DLG5: variants seen among roughly 807,000 people sequenced by gnomAD.
DLG5 encodes disks large homolog 5.
DLG5 carries 48 observed loss-of-function variants against 189.8 expected under a neutral mutation model. That is an observed-to-expected ratio of 0.25 (90% confidence interval 0.20 to 0.32). The LOEUF (loss-of-function observed/expected upper bound fraction) is 0.32. Among genes scored for constraint, DLG5 ranks in the 10% least tolerant of loss-of-function variants. The pLI, the probability that DLG5 is intolerant of heterozygous loss-of-function variation, is 1.00. For missense variants in DLG5, 2,160 were observed against 2,544.7 expected (o/e 0.85, Z 3.25); for synonymous variants, 1,016 against 1,054.1 (o/e 0.96, Z 0.70).
intron 1 of DLG5, chr10:77,869,417 G>C (rs560265858): frequency 1.9e-6 from 1 of 517,064 alleles, no homozygotes; most frequent in South Asian, 2.4e-5. Context: ...TCCTGCTCTG[G>C]GCAGGCGGGC....
intron 2 of DLG5, among the ~76,000 whole-genome samples, chr10:77,861,633 A>G (rs969557006): frequency 3.3e-5 from 5 of 152,204 alleles, no homozygotes; most frequent in African/African-American, 9.7e-5. Flanking sequence ...GTTCTGTGCT[A>G]AAGACACTCT....
At chr10:77,915,474 G>C (rs1479881348) in intron 1 of DLG5, among the ~76,000 whole-genome samples, 1 of 152,214 alleles carries the variant, frequency 6.6e-6, no homozygotes, top group Non-Finnish European at 1.5e-5. Flanking sequence ...TCAGAACACT[G>C]ATGTCGCAAG....
intron 6 of DLG5, 72 bp downstream of exon 6, chr10:77,843,375 C>T: frequency 6.4e-7 from 1 of 1,553,934 alleles, no homozygotes. Context: ...TCATGCTGTT[C>T]TCATCCCCTG....
intron 2 of DLG5, among the ~76,000 whole-genome samples, chr10:77,862,840 A>T (rs1269618021): frequency 6.6e-6 from 1 of 152,156 alleles, no homozygotes; most frequent in African/African-American, 2.4e-5. Context: ...ATACTACACA[A>T]CCATTCATAT....
chr10:77,926,567 C>T lies in DLG5; in HGVS notation c.-47G>A. 1 of 1,208,038 alleles carries T rather than the reference C, an allele frequency of 8.3e-7. No homozygotes were observed. Among genetic ancestry groups the T allele is most frequent in the Non-Finnish European group, 1.0e-6 (1 of 973,634 alleles). 74.8% of individuals were successfully genotyped at this position (1,208,038 alleles called of 1,614,324 possible). ...GCCCCGCCGGACGCCTCCCGGGCCC[C>T]CCGAGGCCGGCGGGCGGGCAGGCGA... On this transcript the variant is annotated 5_prime_UTR_variant, in exon 1 of 32. Coordinates refer to ENST00000372391, the MANE Select transcript of DLG5 (RefSeq NM_004747.4). This position sits in a 1 kb window ranked among gnomAD's most constrained non-coding sequence, Gnocchi z 5.2.
At chr10:77,849,225 T>A (rs1285082199) in intron 5 of DLG5, among the ~76,000 whole-genome samples, 8 of 152,160 alleles carry the variant, frequency 5.3e-5, no homozygotes, top group Admixed American at 3.3e-4. Flanking sequence ...AACACTCAAG[T>A]CAAACAGCAC....
intron 18 of DLG5, 61 bp from the exon 19 acceptor site, chr10:77,817,157 C>T (rs1842101255): frequency 2.8e-6 from 4 of 1,433,988 alleles, no homozygotes; most frequent in Non-Finnish European, 3.9e-6. Flanking sequence ...CCTGTCCTTC[C>T]TCTCCACCAG....
In DLG5 at chr10:77,803,441, G is replaced by A. The variant is rs1018077970; in HGVS notation, c.5164+2224C>T. 4.6e-5 allele frequency among the ~76,000 whole-genome samples: 7 copies of A among 152,270 alleles called. No individual in the cohort carries two copies. In the East Asian group the frequency reaches 1.3e-3, roughly 29 times the overall value. On this transcript the variant is annotated intron_variant, in intron 27 of 31. Coordinates refer to ENST00000372391, the MANE Select transcript of DLG5 (RefSeq NM_004747.4). ...AAAGTCCCACATGCTGCTTATAAGG[G>A]ATATTTAAATATAAAGTGACAGAAA...
chr10:77,939,504 C>T, the DLG5 span, among the ~76,000 whole-genome samples: 1 of 152,180 alleles, frequency 6.6e-6, no homozygotes, highest in African/African-American at 2.4e-5. Context: ...CTCTATTGTT[C>T]CTCCTTTTCT....
intron 26 of DLG5, 40 bp downstream of exon 26, chr10:77,806,718 A>AGCCCCCCCCCCCCC: frequency 8.2e-6 from 11 of 1,333,650 alleles, no homozygotes; most frequent in East Asian, 4.7e-5. Context: ...GCCCTCGGCG[A>AGCCCCCCCCCCCCC]CCCCTGCCCC....
At chr10:77,881,242 A>T (rs1284070721) in intron 1 of DLG5, among the ~76,000 whole-genome samples, 1 of 152,030 alleles carries the variant, frequency 6.6e-6, no homozygotes, top group African/African-American at 2.4e-5. Context: ...AAAAAGTGAT[A>T]CTCACTAGTT....
intron 27 of DLG5, among the ~76,000 whole-genome samples, chr10:77,804,605 G>A: frequency 6.6e-6 from 1 of 152,226 alleles, no homozygotes; most frequent in Non-Finnish European, 1.5e-5. Context: ...CCAGGGCCCT[G>A]GGAGCCACGT....
chr10:77,939,786 G>C, the DLG5 span, among the ~76,000 whole-genome samples: 1 of 152,346 alleles, frequency 6.6e-6, no homozygotes, highest in East Asian at 1.9e-4. Flanking sequence ...TGGAGGAAAA[G>C]CTCCTCCATG....
chr10:77,863,924 C>G (rs1003395546), intron 2 of DLG5, among the ~76,000 whole-genome samples: 1 of 152,188 alleles, frequency 6.6e-6, no homozygotes, highest in Non-Finnish European at 1.5e-5. Flanking sequence ...TACGAGGAAG[C>G]TGGAAGAGGA....
At chr10:77,895,513 G>C (rs1211116776) in intron 1 of DLG5, among the ~76,000 whole-genome samples, 2 of 152,206 alleles carry the variant, frequency 1.3e-5, no homozygotes, top group Non-Finnish European at 2.9e-5. Context: ...TGGCAGGACA[G>C]TTTAAAATGT....
At chr10:77,854,001 C>G (rs902723972) in intron 4 of DLG5, among the ~76,000 whole-genome samples, 1 of 152,216 alleles carries the variant, frequency 6.6e-6, no homozygotes, top group African/African-American at 2.4e-5. Context: ...TCATGCCTGC[C>G]AGGTCTCTGA....
intron 6 of DLG5, among the ~76,000 whole-genome samples, chr10:77,842,769 A>G (rs1273506298): frequency 6.6e-6 from 1 of 152,182 alleles, no homozygotes; most frequent in African/African-American, 2.4e-5. Flanking sequence ...ATATTATCTG[A>G]TGACTTATGT....
intron 1 of DLG5, among the ~76,000 whole-genome samples, chr10:77,925,450 T>C (rs562419917): frequency 6.6e-6 from 1 of 152,286 alleles, no homozygotes; most frequent in Admixed American, 6.5e-5. Flanking sequence ...CCAGTATCCG[T>C]TCCTGCACCC....
chr10:77,843,798 TG>T, intron 5 of DLG5, 92 bp from the exon 6 acceptor site: 1 of 1,548,016 alleles, frequency 6.5e-7, no homozygotes. Context: ...AGGGTGAGAC[TG>T]ATGACAAGGC....
Sources: gnomAD v4.1 joint callset for allele counts (sites outside exome capture counted in the v4.1 genomes callset) on GRCh38, gnomAD v4.1.1 for gene constraint, Gnocchi (gnomAD v3.1) non-coding constraint, MANE v1.5 for transcripts, NCBI Gene and HGNC (gene_info 2026-07-23, HGNC 2026-07-21) for gene names.